Variants in CACNA2D2 observed in about 807,000 individuals in gnomAD.
The protein encoded by CACNA2D2 is voltage-dependent calcium channel subunit alpha-2/delta-2.
A neutral mutation model predicts 166.4 loss-of-function variants in CACNA2D2; 48 were observed. That is an observed-to-expected ratio of 0.29 (90% confidence interval 0.23 to 0.37). The LOEUF (loss-of-function observed/expected upper bound fraction) is 0.37. CACNA2D2 is among the 10% of genes least tolerant of loss of function. The pLI, the probability that CACNA2D2 is intolerant of heterozygous loss-of-function variation, is 1.00. For synonymous variants in CACNA2D2, 561 were observed against 573.7 expected (o/e 0.98, Z 0.32); for missense variants, 1,122 against 1,433.0 (o/e 0.78, Z 3.50).
chr3:50,385,906 G>A (rs1360750062), intron 5 of CACNA2D2, among the ~76,000 whole-genome samples: 1 of 152,208 alleles, frequency 6.6e-6, no homozygotes, highest in Non-Finnish European at 1.5e-5. Flanking sequence ...CTCAACTAAT[G>A]TGACATTTGG....
intron 2 of CACNA2D2, among the ~76,000 whole-genome samples, chr3:50,463,198 A>G (rs1163881628): frequency 6.6e-6 from 1 of 152,216 alleles, no homozygotes; most frequent in East Asian, 1.9e-4. Flanking sequence ...AAAAGTTGGC[A>G]ATAATCACAA....
chr3:50,475,321 C>T (rs193251242), intron 2 of CACNA2D2, among the ~76,000 whole-genome samples: 35 of 152,230 alleles, frequency 2.3e-4, no homozygotes, highest in Non-Finnish European at 4.1e-4. Flanking sequence ...CTGCTGTTCC[C>T]GAGCCAACTC....
Position 50,366,561 on chromosome 3 carries a change from G to A in CACNA2D2, c.2637+17C>T. The A allele has an allele frequency of 3.1e-6, 5 of 1,613,564 alleles. No individual in the cohort carries two copies. Among genetic ancestry groups the A allele is most frequent in the Non-Finnish European group, 4.2e-6 (5 of 1,179,590 alleles). Reference sequence around the variant, plus strand: ...TGGGGTAAGCTAGGGTCCAGGGTAGGTTCAGGGCACACACACCTCATTGTT... The same window carrying A: ...TGGGGTAAGCTAGGGTCCAGGGTAGATTCAGGGCACACACACCTCATTGTT... On this transcript the variant is annotated intron_variant, in intron 30 of 37. Coordinates refer to ENST00000424201, the MANE Select transcript of CACNA2D2 (RefSeq NM_006030.4). This position sits in a 1 kb window ranked among gnomAD's most constrained non-coding sequence, Gnocchi z 5.9.
At chr3:50,496,426 A>G (rs1287761568) in intron 1 of CACNA2D2, among the ~76,000 whole-genome samples, 10 of 152,256 alleles carry the variant, frequency 6.6e-5, no homozygotes, top group Non-Finnish European at 4.4e-5. Flanking sequence ...ACAGGTGTAG[A>G]CACGCCCACA....
chr3:50,368,012 T>C lies in CACNA2D2; in HGVS notation c.2144-110A>G. 2.7e-6 allele frequency: 3 copies of C among 1,105,794 alleles called. No homozygotes were observed. In the South Asian group the frequency reaches 3.8e-5, roughly 14 times the overall value. 68.5% of individuals were successfully genotyped at this position (1,105,794 alleles called of 1,614,324 possible). On this transcript the variant is annotated intron_variant, in intron 24 of 37. Transcript: ENST00000424201. ...AGGAGCCTCCTCCATGACCTGGCCCTGGCCCAGGCCCAGCCCTTAGCTTGT... is the reference window on the plus strand; with the variant it reads ...AGGAGCCTCCTCCATGACCTGGCCCCGGCCCAGGCCCAGCCCTTAGCTTGT...
intron 1 of CACNA2D2, among the ~76,000 whole-genome samples, chr3:50,499,609 C>T (rs933800050): frequency 1.3e-5 from 2 of 152,228 alleles, no homozygotes; most frequent in African/African-American, 2.4e-5. Flanking sequence ...CACCCATACA[C>T]ATCTGAGATG....
intron 3 of CACNA2D2, among the ~76,000 whole-genome samples, chr3:50,422,258 C>A (rs542298771): frequency 6.6e-6 from 1 of 152,268 alleles, no homozygotes; most frequent in African/African-American, 2.4e-5. Context: ...AACTGCCCAC[C>A]CCAGTTCAGA....
intron 3 of CACNA2D2, among the ~76,000 whole-genome samples, chr3:50,431,044 C>T (rs1037222731): frequency 6.6e-6 from 1 of 152,158 alleles, no homozygotes; most frequent in African/African-American, 2.4e-5. Flanking sequence ...AACTTCCGTC[C>T]TGTGTTGCTC....
intron 1 of CACNA2D2, among the ~76,000 whole-genome samples, chr3:50,484,684 T>G (rs1349884269): frequency 6.6e-6 from 1 of 152,208 alleles, no homozygotes; most frequent in African/African-American, 2.4e-5. Context: ...GCAACTGATC[T>G]CCACGTCCCC....
intron 3 of CACNA2D2, among the ~76,000 whole-genome samples, chr3:50,395,071 G>A (rs1706081289): frequency 6.6e-6 from 1 of 152,146 alleles, no homozygotes; most frequent in Non-Finnish European, 1.5e-5. Flanking sequence ...GAAACCTTGG[G>A]GCTCCCAAGG....
chr3:50,411,025 C>G (rs1706988484), intron 3 of CACNA2D2, among the ~76,000 whole-genome samples: 1 of 152,188 alleles, frequency 6.6e-6, no homozygotes, highest in Non-Finnish European at 1.5e-5. Flanking sequence ...TCCAGAACTC[C>G]CCTCCTGAGG....
intron 3 of CACNA2D2, among the ~76,000 whole-genome samples, chr3:50,416,797 G>A (rs1707283700): frequency 6.6e-6 from 1 of 152,232 alleles, no homozygotes; most frequent in Non-Finnish European, 1.5e-5. Context: ...CCACCTCTAG[G>A]TGCAGAGGTG....
intron 23 of CACNA2D2, among the ~76,000 whole-genome samples, chr3:50,369,666 G>A (rs587607920): frequency 7.9e-4 from 121 of 152,334 alleles, no homozygotes; most frequent in Middle Eastern, 3.4e-3. Flanking sequence ...CAGGGGACCC[G>A]GCCTCCCCAG....
At chr3:50,406,335 A>G (rs1400610222) in intron 3 of CACNA2D2, among the ~76,000 whole-genome samples, 2 of 151,708 alleles carry the variant, frequency 1.3e-5, no homozygotes, top group African/African-American at 4.8e-5. Flanking sequence ...GAAAAAAAGC[A>G]CCAAGCAAGC....
At chr3:50,412,303 G>A (rs1707054444) in intron 3 of CACNA2D2, among the ~76,000 whole-genome samples, 1 of 152,256 alleles carries the variant, frequency 6.6e-6, no homozygotes, top group Non-Finnish European at 1.5e-5. Context: ...TGTGGGCCCT[G>A]CTCTGAGCCA....
At chr3:50,413,483 CG>C (rs1559924650) in intron 3 of CACNA2D2, among the ~76,000 whole-genome samples, 1 of 152,090 alleles carries the variant, frequency 6.6e-6, no homozygotes, top group African/African-American at 2.4e-5. Flanking sequence ...CCAAGCACTG[CG>C]GGACTCTTGA....
chr3:50,412,568 C>G (rs998841520), intron 3 of CACNA2D2, among the ~76,000 whole-genome samples: 1 of 149,202 alleles, frequency 6.7e-6, no homozygotes, highest in Non-Finnish European at 1.5e-5. Flanking sequence ...GGCCAGCAGG[C>G]GCCTTCCCTC....
Position 50,477,905 on chromosome 3 carries a change from G to A in CACNA2D2, c.207-1706C>T, listed in dbSNP as rs936262999. On this transcript the variant is annotated intron_variant, in intron 1 of 37. Transcript: ENST00000424201. ...AGCCCAAGCCTCTACCTGGCCTCCTGCCCTGCCTCCTCCACTCAGGCCTGT... is the reference window on the plus strand; with the variant it reads ...AGCCCAAGCCTCTACCTGGCCTCCTACCCTGCCTCCTCCACTCAGGCCTGT... Among the ~76,000 whole-genome samples, 9 of 152,162 alleles carry A rather than the reference G, an allele frequency of 5.9e-5. No homozygotes were observed. The South Asian group carries it at 1.9e-3, about 32-fold the overall frequency.
chr3:50,363,324 A>ATCACCC lies in CACNA2D2; in HGVS notation c.*1336_*1341dup. ...AATTAACGAAGCCATTAATTAATGC[A>ATCACCC]TCACCCTCCCCCTCCTCCCAGTCCA... is the stretch of plus-strand genomic sequence containing the variant. On this transcript the variant is annotated 3_prime_UTR_variant, in exon 38 of 38. Coordinates refer to ENST00000424201, the MANE Select transcript of CACNA2D2 (RefSeq NM_006030.4). 5.0e-6 allele frequency: 2 copies of ATCACCC among 398,680 alleles called. No individual in the cohort carries two copies. The highest frequency in any genetic ancestry group is 8.8e-6 in the Non-Finnish European group (2 of 226,070). The allele number at this position is 398,680 out of a possible 1,614,324, so 24.7% of individuals were successfully genotyped here.
Sources: allele counts gnomAD v4.1 joint callset (sites outside exome capture counted in the v4.1 genomes callset), GRCh38; gene constraint gnomAD v4.1.1; non-coding constraint Gnocchi (gnomAD v3.1); transcripts MANE v1.5; gene names NCBI Gene and HGNC (gene_info 2026-07-23, HGNC 2026-07-21).